TAMM41: variants seen among roughly 807,000 people sequenced by gnomAD.
TAMM41 encodes TAM41 mitochondrial translocator assembly and maintenance homolog.
Under a neutral mutation model 44.1 loss-of-function variants are expected in TAMM41, and 36 were observed. That is an observed-to-expected ratio of 0.82 (90% CI 0.63 to 1.08). The LOEUF (loss-of-function observed/expected upper bound fraction) is 1.08. TAMM41 is among the 50% of genes least tolerant of loss of function. The pLI is 0.00. For synonymous variants in TAMM41, 164 were observed against 153.1 expected (o/e 1.07, Z -0.53); for missense variants, 417 against 404.3 (o/e 1.03, Z -0.27).
the TAMM41 span, among the ~76,000 whole-genome samples, chr3:11,747,023 G>T: frequency 2.2e-4 from 34 of 152,140 alleles, no homozygotes; most frequent in Non-Finnish European, 3.7e-4. Flanking sequence ...TGGTTACCTG[G>T]AATAGGGCTT....
chr3:11,750,552 C>A, the TAMM41 span, among the ~76,000 whole-genome samples: 1 of 152,098 alleles, frequency 6.6e-6, no homozygotes, highest in African/African-American at 2.4e-5. Context: ...TCAAGCAATT[C>A]TCCTGCCTCA....
At chr3:11,775,556 G>A in the TAMM41 span, among the ~76,000 whole-genome samples, 1 of 152,350 alleles carries the variant, frequency 6.6e-6, no homozygotes, top group African/African-American at 2.4e-5. Flanking sequence ...CACTGCACTG[G>A]TGGAAGTAAC....
chr3:11,739,039 A>G, the TAMM41 span, among the ~76,000 whole-genome samples: 1 of 152,130 alleles, frequency 6.6e-6, no homozygotes, highest in Admixed American at 6.5e-5. Context: ...CTACTCTCTC[A>G]TGTCTCCAAC....
At chr3:11,785,475 C>G (rs886698280), downstream of TAMM41, among the ~76,000 whole-genome samples, 5 of 151,978 alleles carry the variant, frequency 3.3e-5, no homozygotes, top group African/African-American at 1.2e-4. Context: ...ACAGGCACCC[C>G]CTACCATGCC....
rs138247359 is a variant in TAMM41, at chr3:11,833,157, A to G, written c.412-3293T>C. ...TGGGACACTGCCAGAGAGGCCTGGG[A>G]AAAAAAGAAAGTGCTCAGATTTGTG... is the stretch of plus-strand genomic sequence containing the variant. On this transcript the variant is annotated intron_variant, in intron 3 of 7. Coordinates refer to ENST00000455809, the MANE Select transcript of TAMM41 (RefSeq NM_001284401.2). 7.8e-6 allele frequency: 10 copies of G among 1,283,236 alleles called. No homozygotes were observed. The East Asian group carries it at 3.4e-4, about 43-fold the overall frequency. The allele number at this position is 1,283,236 out of a possible 1,614,324, so 79.5% of individuals were successfully genotyped here. A position where few individuals can be genotyped will look rare whatever the true frequency, so the allele number is the denominator to read the frequency against.
chr3:11,802,303 T>C (rs956472450), intron 7 of TAMM41, among the ~76,000 whole-genome samples: 1 of 151,550 alleles, frequency 6.6e-6, no homozygotes, highest in Admixed American at 6.6e-5. Context: ...ACAAGAGAGA[T>C]ACAAATAAAC....
chr3:11,786,387 C>T (rs2077418404), downstream of TAMM41, among the ~76,000 whole-genome samples: 2 of 151,484 alleles, frequency 1.3e-5, no homozygotes, highest in African/African-American at 4.9e-5. Context: ...TCATCGCAAC[C>T]TCCACCTCCC....
the TAMM41 span, among the ~76,000 whole-genome samples, chr3:11,765,940 G>A: frequency 6.6e-6 from 1 of 151,996 alleles, no homozygotes; most frequent in Non-Finnish European, 1.5e-5. Context: ...GGCCTCATGT[G>A]ATCCACCCAC....
At chr3:11,807,724 C>A in intron 7 of TAMM41, 109 bp downstream of exon 7, 5 of 1,536,126 alleles carry the variant, frequency 3.3e-6, no homozygotes, top group Non-Finnish European at 4.4e-6. Context: ...GCCATCAAAG[C>A]TCAGCATTTC....
chr3:11,812,274 A>G (rs890465922), intron 5 of TAMM41, among the ~76,000 whole-genome samples: 3 of 152,200 alleles, frequency 2.0e-5, no homozygotes, highest in Non-Finnish European at 1.5e-5. Flanking sequence ...TCCCAGGACG[A>G]ATGGCAGAGA....
chr3:11,820,761 GGATT>G (rs1185465014), intron 4 of TAMM41, among the ~76,000 whole-genome samples: 1 of 152,142 alleles, frequency 6.6e-6, no homozygotes, highest in Non-Finnish European at 1.5e-5. Flanking sequence ...CTACAGCAAT[GGATT>G]AAAACTGACT....
intron 5 of TAMM41, chr3:11,811,620 T>C (rs561141438): frequency 1.7e-4 from 26 of 152,362 alleles, no homozygotes; most frequent in African/African-American, 5.8e-4. Context: ...TCAGCTAAAC[T>C]GTGAAAGTCA....
At chr3:11,809,867 C>A (rs1446322215) in intron 5 of TAMM41, 185 bp from the exon 6 acceptor site, 1 of 529,730 alleles carries the variant, frequency 1.9e-6, no homozygotes, top group African/African-American at 2.0e-5. Flanking sequence ...GAGTCTAAGT[C>A]CCTTCAAAAA....
the TAMM41 span, among the ~76,000 whole-genome samples, chr3:11,768,883 C>A: frequency 6.6e-6 from 1 of 152,138 alleles, no homozygotes; most frequent in African/African-American, 2.4e-5. Context: ...CTGCTAGGCA[C>A]CTAGAAGGGG....
intron 4 of TAMM41, among the ~76,000 whole-genome samples, chr3:11,823,291 T>C (rs1470142739): frequency 1.3e-5 from 2 of 149,992 alleles, no homozygotes; most frequent in Admixed American, 6.6e-5. Context: ...AGTCCTGCTC[T>C]GTTGCCCAGG....
chr3:11,726,531 G>A, the TAMM41 span, among the ~76,000 whole-genome samples: 1 of 152,252 alleles, frequency 6.6e-6, no homozygotes, highest in Non-Finnish European at 1.5e-5. Flanking sequence ...GCCGGGTGCA[G>A]TGGCTCATGC....
At chr3:11,770,361 C>A in the TAMM41 span, among the ~76,000 whole-genome samples, 1 of 151,928 alleles carries the variant, frequency 6.6e-6, no homozygotes, top group Non-Finnish European at 1.5e-5. Flanking sequence ...GGTCCAGCCT[C>A]TCTAACAACT....
intron 7 of TAMM41, among the ~76,000 whole-genome samples, chr3:11,794,125 C>T (rs948512234): frequency 1.3e-5 from 2 of 150,990 alleles, no homozygotes; most frequent in Non-Finnish European, 2.9e-5. Context: ...TCTACTTGGT[C>T]TACACTAAGC....
At chr3:11,734,679 A>ACT in the TAMM41 span, among the ~76,000 whole-genome samples, 1 of 152,162 alleles carries the variant, frequency 6.6e-6, no homozygotes, top group African/African-American at 2.4e-5. Context: ...AGGGAAGAAG[A>ACT]TCTAGTCTCT....
Sources: allele counts gnomAD v4.1 joint callset (sites outside exome capture counted in the v4.1 genomes callset), GRCh38; gene constraint gnomAD v4.1.1; transcripts MANE v1.5; gene names NCBI Gene and HGNC (gene_info 2026-07-23, HGNC 2026-07-21).